IFT81: variants seen among roughly 807,000 people sequenced by gnomAD.
IFT81 encodes the protein intraflagellar transport 81.
In IFT81, 72 loss-of-function variants were observed where a neutral mutation model predicts 102.6. The ratio of observed to expected loss-of-function variants is 0.70; its 90% CI spans 0.58 to 0.85. The LOEUF is 0.85. Among genes scored for constraint, IFT81 ranks in the 40% least tolerant of loss-of-function variants. IFT81 has a pLI of 0.00. For synonymous variants in IFT81, 237 were observed against 242.7 expected (o/e 0.98, Z 0.22); for missense variants, 723 against 787.3 (o/e 0.92, Z 0.98).
intron 8 of IFT81, among the ~76,000 whole-genome samples, chr12:110,142,694 A>T (rs1894968948): frequency 6.6e-6 from 1 of 151,606 alleles, no homozygotes; most frequent in African/African-American, 2.4e-5. Context: ...GTTAGAGACC[A>T]GCCTGGGCAA....
At chr12:110,217,898 C>G in intron 18 of IFT81, 146 bp from the exon 19 acceptor site, 1 of 588,766 alleles carries the variant, frequency 1.7e-6, no homozygotes, top group Non-Finnish European at 2.9e-6. Flanking sequence ...CTTTTATAAT[C>G]TTAGTTTTGG....
chr12:110,141,380 C>G (rs1393663607), intron 8 of IFT81, among the ~76,000 whole-genome samples: 2 of 152,124 alleles, frequency 1.3e-5, no homozygotes, highest in Non-Finnish European at 2.9e-5. Flanking sequence ...CTTCCTTTCT[C>G]TAATCCTGAA....
intron 1 of IFT81, among the ~76,000 whole-genome samples, chr12:110,126,160 C>T (rs1300523455): frequency 1.3e-5 from 2 of 152,048 alleles, no homozygotes; most frequent in Admixed American, 6.6e-5. Flanking sequence ...CGCCTGTAGT[C>T]CCAGCTACTT....
chr12:110,153,679 T>C (rs935222970), intron 10 of IFT81, among the ~76,000 whole-genome samples: 26 of 141,382 alleles, frequency 1.8e-4, no homozygotes, highest in Middle Eastern at 0.01. Context: ...GGCGTGATCT[T>C]GGCTCACCGC....
intron 11 of IFT81, among the ~76,000 whole-genome samples, chr12:110,178,135 T>C (rs568722240): frequency 6.2e-4 from 90 of 144,990 alleles, no homozygotes; most frequent in Non-Finnish European, 6.1e-5. Flanking sequence ...CAATGTGGGC[T>C]GGGCACAGTT....
chr12:110,142,010 G>T (rs900868959), intron 8 of IFT81, among the ~76,000 whole-genome samples: 1 of 152,178 alleles, frequency 6.6e-6, no homozygotes. Context: ...GAAAATCTGT[G>T]TGTATAGTTG....
chr12:110,200,774 C>G (rs1898224342), intron 14 of IFT81, among the ~76,000 whole-genome samples: 1 of 151,792 alleles, frequency 6.6e-6, no homozygotes, highest in African/African-American at 2.4e-5. Flanking sequence ...ATAGTGAAAC[C>G]CCATTTCTAC....
At position 110,218,303 on chromosome 12, in the gene IFT81, A is replaced by G. The variant is rs1391471817; in HGVS notation, c.*77A>G. The G allele has an allele frequency of 2.7e-6, 3 of 1,129,862 alleles. No homozygotes were observed. The East Asian group carries it at 8.3e-5, about 31-fold the overall frequency. The allele number at this position is 1,129,862 out of a possible 1,614,324, so 70.0% of individuals were successfully genotyped here. On this transcript the variant is annotated 3_prime_UTR_variant, in exon 19 of 19. Transcript: ENST00000242591. Reference sequence around the variant, plus strand: ...AATCTCATAATGTATTTCTTTTTTGAAACTGATTTGTATAGCATTTTGTTT... The same window carrying G: ...AATCTCATAATGTATTTCTTTTTTGGAACTGATTTGTATAGCATTTTGTTT...
At chr12:110,217,250 G>T (rs1870255469) in intron 18 of IFT81, among the ~76,000 whole-genome samples, 1 of 152,094 alleles carries the variant, frequency 6.6e-6, no homozygotes, top group Non-Finnish European at 1.5e-5. Context: ...TCACCTTGTT[G>T]ATCAGGCTGG....
intron 11 of IFT81, among the ~76,000 whole-genome samples, chr12:110,163,803 A>G (rs1896290704): frequency 6.6e-6 from 1 of 150,580 alleles, no homozygotes; most frequent in South Asian, 2.1e-4. Context: ...TTTAGTAGAG[A>G]CGGGGTTTCA....
chr12:110,190,844 A>G (rs1897761382), intron 12 of IFT81, 76 bp from the exon 13 acceptor site: 33 of 1,324,744 alleles, frequency 2.5e-5, no homozygotes, highest in Non-Finnish European at 3.2e-5. Context: ...TTTGTTATGT[A>G]TGAAATTTGT....
rs562993401 is a variant in IFT81 at position 110,145,508 on chromosome 12, G to A, written c.946-1445G>A. Reference sequence around the variant, plus strand: ...GGCTGGAGTACAGTGGCGTGATCCCGGCTCACTGCAACCTCTGCCTCCTGG... The same window carrying A: ...GGCTGGAGTACAGTGGCGTGATCCCAGCTCACTGCAACCTCTGCCTCCTGG... On this transcript the variant is annotated intron_variant, in intron 9 of 18. Coordinates refer to ENST00000242591, the MANE Select transcript of IFT81 (RefSeq NM_014055.4). Among the ~76,000 whole-genome samples, 5 of 149,158 alleles carry A rather than the reference G, an allele frequency of 3.4e-5. No homozygotes were observed. In the East Asian group the frequency reaches 5.9e-4, roughly 18 times the overall value.
At chr12:110,144,918 T>A (rs923635346) in intron 9 of IFT81, among the ~76,000 whole-genome samples, 1 of 142,256 alleles carries the variant, frequency 7.0e-6, no homozygotes, top group Non-Finnish European at 1.5e-5. Context: ...CAGGCTGGAG[T>A]GCAGTGGCAC....
At chr12:110,145,028 ATTT>A (rs753990394) in intron 9 of IFT81, among the ~76,000 whole-genome samples, 6 of 111,010 alleles carry the variant, frequency 5.4e-5, no homozygotes, top group Admixed American at 1.1e-4. Context: ...ACTATGCCTA[ATTT>A]TTTTTTTTTT....
At chr12:110,138,831 G>T (rs1447806933) in intron 8 of IFT81, among the ~76,000 whole-genome samples, 3 of 152,012 alleles carry the variant, frequency 2.0e-5, no homozygotes, top group Non-Finnish European at 4.4e-5. Context: ...GTTTTCAAAG[G>T]GTTTTTAATA....
At chr12:110,164,577 A>C (rs1896332314) in intron 11 of IFT81, among the ~76,000 whole-genome samples, 1 of 152,088 alleles carries the variant, frequency 6.6e-6, no homozygotes, top group African/African-American at 2.4e-5. Flanking sequence ...ATTGGCAGTG[A>C]ACCTTCACTG....
chr12:110,131,955 A>G (rs1223377018), intron 4 of IFT81, among the ~76,000 whole-genome samples: 1 of 152,228 alleles, frequency 6.6e-6, no homozygotes, highest in Non-Finnish European at 1.5e-5. Flanking sequence ...ACGTGAGAGC[A>G]TGGAATGTTC....
At chr12:110,145,715 G>T (rs1435206196) in intron 9 of IFT81, among the ~76,000 whole-genome samples, 2 of 152,002 alleles carry the variant, frequency 1.3e-5, no homozygotes, top group African/African-American at 4.8e-5. Flanking sequence ...GATTACAGGT[G>T]TGAGCCACCG....
chr12:110,145,028 ATTTTTT>A (rs753990394), intron 9 of IFT81, among the ~76,000 whole-genome samples: 6 of 111,036 alleles, frequency 5.4e-5, no homozygotes, highest in African/African-American at 1.8e-4. Flanking sequence ...ACTATGCCTA[ATTTTTT>A]TTTTTTTTTT....
Sources: gnomAD v4.1 joint callset for allele counts (sites outside exome capture counted in the v4.1 genomes callset) on GRCh38, gnomAD v4.1.1 for gene constraint, MANE v1.5 for transcripts, NCBI Gene and HGNC (gene_info 2026-07-23, HGNC 2026-07-21) for gene names.